The following ACOT11 variants were observed in gnomAD, a reference collection of about 807,000 sequenced individuals.
ACOT11 encodes the protein acyl-CoA thioesterase 11.
ACOT11 carries 69 observed loss-of-function variants against 77.5 expected under a neutral mutation model. The observed-to-expected ratio is 0.89, with a 90% CI of 0.73 to 1.09. The LOEUF (loss-of-function observed/expected upper bound fraction) is 1.09, where lower values mean the gene tolerates loss of function less well. Ranked by LOEUF, ACOT11 falls within the 50% of genes least tolerant of loss-of-function variation. ACOT11 has a pLI of 0.00. For missense variants in ACOT11, 766 were observed against 813.7 expected, an observed-to-expected ratio of 0.94 and a Z score of 0.71; for synonymous variants, 279 against 313.0, an observed-to-expected ratio of 0.89 and a Z score of 1.15.
At position 54,551,737 on chromosome 1, in the gene ACOT11, GT is replaced by G. The variant is rs979883776; in HGVS notation, c.33+3400del. On this transcript the variant is annotated intron_variant, in intron 1 of 15. Coordinates refer to ENST00000343744, the MANE Select transcript of ACOT11 (RefSeq NM_147161.4). The stretch of plus-strand genomic sequence containing the variant: ...TTTGTTTTTGTTTTTGTTTTGTTTT[GT>G]TTTTGTTTTTGTTTTTGTTTTTGTT... Among the ~76,000 whole-genome samples, 6 of 145,356 alleles carry G rather than the reference GT, an allele frequency of 4.1e-5. 1 individual carries two copies. The East Asian group carries it at 1.4e-3, about 33-fold the overall frequency.
intron 1 of ACOT11, among the ~76,000 whole-genome samples, chr1:54,566,232 G>A (rs937820819): frequency 2.0e-5 from 3 of 152,092 alleles, no homozygotes; most frequent in Non-Finnish European, 2.9e-5. Flanking sequence ...CGAGGCAGGC[G>A]GATCACTTGA....
intron 15 of ACOT11, chr1:54,616,091 T>C: frequency 4.3e-6 from 7 of 1,613,856 alleles, no homozygotes; most frequent in Non-Finnish European, 5.1e-6. Flanking sequence ...AGTGGGGGGG[T>C]GTGCCATGAT....
Position 54,605,088 on chromosome 1 carries a change from A to T in ACOT11, c.1249A>T (p.Thr417Ser), listed in dbSNP as rs142298471. 2.5e-6 allele frequency: 4 copies of T among 1,613,542 alleles called. No homozygotes were observed. Among genetic ancestry groups the T allele is most frequent in the Non-Finnish European group, 3.4e-6 (4 of 1,179,932 alleles). The change falls in exon 13 of 16, where the codon ACT becomes TCT. Residue 417 changes from threonine (T) to serine (S), a missense_variant. Coordinates refer to ENST00000343744, the MANE Select transcript of ACOT11 (RefSeq NM_147161.4). ...SSEISQVRLYTLEDDKFLSFH... is the reference protein window; with the variant it reads ...SSEISQVRLYSLEDDKFLSFH... ...CTATCCCATGCAGGTCCGCCTGTACACTCTGGAGGATGACAAGTTCCTCTC... is the reference window on the plus strand; with the variant it reads ...CTATCCCATGCAGGTCCGCCTGTACTCTCTGGAGGATGACAAGTTCCTCTC...
At chr1:54,593,768 A>T (rs1335711403) in intron 4 of ACOT11, among the ~76,000 whole-genome samples, 173 bp from the exon 5 acceptor site, 1 of 152,164 alleles carries the variant, frequency 6.6e-6, no homozygotes, top group African/African-American at 2.4e-5. Context: ...CGGGGACCCA[A>T]GGGCAGAGTC....
rs142641121 is a variant in ACOT11 at position 54,555,241 on chromosome 1, G to A, written c.33+6899G>A. On this transcript the variant is annotated intron_variant, in intron 1 of 15. Coordinates refer to ENST00000343744, the MANE Select transcript of ACOT11 (RefSeq NM_147161.4). Reference sequence around the variant, plus strand: ...CCCAAAGTGCTGGGATTACAGGCGTGAGCCACCACGTCTGGCTCTGGTTTT... The same window carrying A: ...CCCAAAGTGCTGGGATTACAGGCGTAAGCCACCACGTCTGGCTCTGGTTTT... Among the ~76,000 whole-genome samples, 605 of 152,292 alleles carry A rather than the reference G, an allele frequency of 4.0e-3. 5 individuals carry two copies. Among genetic ancestry groups the A allele is most frequent in the African/African-American group, 0.014 (576 of 41,538 alleles).
At chr1:54,548,724 C>T (rs1019108306) in intron 1 of ACOT11, 11 of 270,588 alleles carry the variant, frequency 4.1e-5, no homozygotes, top group Non-Finnish European at 7.0e-5. Flanking sequence ...ACCCCAAAGC[C>T]ACAAAGCTGA....
exon 17 of ACOT11, chr1:54,635,209 A>G (rs1644324561): frequency 4.4e-6 from 1 of 228,950 alleles, no homozygotes; most frequent in South Asian, 5.6e-5. Flanking sequence ...ATGCTGCACA[A>G]CGATTCCTAT....
chr1:54,590,388 G>A (rs1453197965), intron 3 of ACOT11, among the ~76,000 whole-genome samples: 2 of 152,144 alleles, frequency 1.3e-5, no homozygotes, highest in East Asian at 3.9e-4. Flanking sequence ...GAGCTCCGGG[G>A]CCCTGAGGAG....
chr1:54,576,713 A>G (rs1237199928), intron 1 of ACOT11, among the ~76,000 whole-genome samples: 1 of 152,172 alleles, frequency 6.6e-6, no homozygotes, highest in African/African-American at 2.4e-5. Flanking sequence ...CTTTTGTTAA[A>G]AACTTAGCAA....
rs963092858 is a variant in ACOT11 at position 54,608,887 on chromosome 1, C to G, written c.1630-70C>G. On this transcript the variant is annotated intron_variant, in intron 15 of 15. Coordinates refer to ENST00000343744, the MANE Select transcript of ACOT11 (RefSeq NM_147161.4). ...TGACTCACCACCAGCCTCGTGCCCA[C>G]TGGGCTCCCACCCCTTCCCAGGACC... 2.0e-6 allele frequency: 3 copies of G among 1,500,478 alleles called. No individual in the cohort carries two copies. The East Asian group carries it at 6.8e-5, about 34-fold the overall frequency. The allele number at this position is 1,500,478 out of a possible 1,614,324, so 92.9% of individuals were successfully genotyped here. A position where few individuals can be genotyped will look rare whatever the true frequency, so the allele number is the denominator to read the frequency against.
At position 54,601,384 on chromosome 1, in the gene ACOT11, T is replaced by C. The variant is rs1199289032; in HGVS notation, c.1000T>C (p.Leu334=). 15 of 1,613,334 alleles carry C rather than the reference T, an allele frequency of 9.3e-6. No individual in the cohort carries two copies. The highest frequency in any genetic ancestry group is 1.2e-5 in the Non-Finnish European group (14 of 1,179,990). ...CCTGGACGCAGATGACCAGCCCCAG[T>C]TGCTGCCCTGGATTCGGCCCCAGCC... The part of the protein sequence containing the change: ...VVLDADDQPQ[L]LPWIRPQPGD... The change falls in exon 9 of 16, where the codon TTG becomes CTG. Residue 334 remains leucine (L), a synonymous_variant. Coordinates refer to ENST00000343744, the MANE Select transcript of ACOT11 (RefSeq NM_147161.4).
At chr1:54,612,552 G>A (rs1469308154), downstream of ACOT11, 1 of 1,614,086 alleles carries the variant, frequency 6.2e-7, no homozygotes, top group Non-Finnish European at 8.5e-7. Context: ...AGACCGTACA[G>A]GGAAGGTGAC....
chr1:54,610,459 A>G, downstream of ACOT11: 1 of 1,612,566 alleles, frequency 6.2e-7, no homozygotes, highest in South Asian at 1.1e-5. Context: ...GACGTCAGGA[A>G]CCAGCCACTC....
intron 1 of ACOT11, among the ~76,000 whole-genome samples, chr1:54,576,575 A>G (rs1009579023): frequency 6.6e-6 from 1 of 150,682 alleles, no homozygotes; most frequent in South Asian, 2.1e-4. Context: ...AATGTTAAAG[A>G]TGTTATCTGG....
At chr1:54,621,804 T>TGGA (rs907618535) in intron 15 of ACOT11, 2 of 152,344 alleles carry the variant, frequency 1.3e-5, no homozygotes, top group Admixed American at 1.3e-4. Flanking sequence ...CCTGTGTGAA[T>TGGA]GGAGGAGCCC....
At chr1:54,569,113 G>GAA (rs67349209) in intron 1 of ACOT11, among the ~76,000 whole-genome samples, 76 of 135,716 alleles carry the variant, frequency 5.6e-4, no homozygotes, top group African/African-American at 2.0e-3. Context: ...AGACTCTCTC[G>GAA]AAAAAAAAAA....
At chr1:54,630,697 C>A in intron 15 of ACOT11, 1 of 640,604 alleles carries the variant, frequency 1.6e-6, no homozygotes, top group Non-Finnish European at 2.9e-6. Flanking sequence ...CCACTTCACA[C>A]CTCTATATTT....
At chr1:54,578,400 T>C (rs901740006) in intron 1 of ACOT11, among the ~76,000 whole-genome samples, 1 of 152,178 alleles carries the variant, frequency 6.6e-6, no homozygotes, top group Non-Finnish European at 1.5e-5. Context: ...CCCCACCCCC[T>C]GAAAAGCATC....
At chr1:54,572,402 C>G (rs950007802) in intron 1 of ACOT11, among the ~76,000 whole-genome samples, 6 of 152,146 alleles carry the variant, frequency 3.9e-5, no homozygotes, top group African/African-American at 1.4e-4. Flanking sequence ...GCACAGGCAG[C>G]AGCCTTGGCT....
Sources: allele counts gnomAD v4.1 joint callset (sites outside exome capture counted in the v4.1 genomes callset), GRCh38; gene constraint gnomAD v4.1.1; transcripts MANE v1.5; gene names NCBI Gene and HGNC (gene_info 2026-07-23, HGNC 2026-07-21).